The following AP3D1 variants were observed in gnomAD, a reference collection of about 807,000 sequenced individuals.
The protein encoded by AP3D1 is adaptor related protein complex 3 subunit delta 1, also known as AP-3 complex subunit delta-1.
In AP3D1, 51 loss-of-function variants were observed where a neutral mutation model predicts 147.6. The ratio of observed to expected loss-of-function variants is 0.35; its 90% CI spans 0.28 to 0.44. The LOEUF is 0.44. Among genes scored for constraint, AP3D1 ranks in the 20% least tolerant of loss-of-function variants. AP3D1 has a pLI of 1.00. For missense variants in AP3D1, 1,421 were observed against 1,624.2 expected (o/e 0.87, Z 2.15); for synonymous variants, 760 against 663.0 (o/e 1.15, Z -2.25).
At chr19:2,154,055 C>T (rs372798399), upstream of AP3D1, among the ~76,000 whole-genome samples, 1,144 of 151,434 alleles carry the variant, frequency 7.6e-3, 5 homozygotes, top group Middle Eastern at 0.021. Context: ...TCAAGCAATT[C>T]TCCTGCCTCA....
In AP3D1 at chr19:2,111,716, G is replaced by A. The variant is rs766493938; in HGVS notation, c.2900C>T (p.Pro967Leu). ...CTCCTCTGGCGCGCCATTCTGCACC[G>A]GCTCCCCCGCTGCCTCCTCGCTGCC... is the stretch of plus-strand genomic sequence containing the variant. ...PPGSEEAAGEPVQNGAPEEEQ... is the reference protein window; with the variant it reads ...PPGSEEAAGELVQNGAPEEEQ... Residue 967 changes from proline (P) to leucine (L), a missense_variant, in exon 25 of 32, where the codon CCG becomes CTG. Transcript: ENST00000643116. 7 of 1,602,194 alleles carry A rather than the reference G, an allele frequency of 4.4e-6. No individual in the cohort carries two copies. Among genetic ancestry groups the A allele is most frequent in the African/African-American group, 2.7e-5 (2 of 74,656 alleles).
At chr19:2,158,357 G>GTT (rs556426847) in intron 1 of AP3D1, among the ~76,000 whole-genome samples, 49 of 135,702 alleles carry the variant, frequency 3.6e-4, no homozygotes, top group Middle Eastern at 4.1e-3. Context: ...TGCTCGACCT[G>GTT]TTTTTTTTTT....
intron 1 of AP3D1, among the ~76,000 whole-genome samples, chr19:2,143,773 A>T (rs2019285519): frequency 6.6e-6 from 1 of 151,774 alleles, no homozygotes; most frequent in Non-Finnish European, 1.5e-5. Context: ...TCAAAAAAAA[A>T]ATAAAAAAGG....
At chr19:2,146,539 G>A (rs761873605) in intron 1 of AP3D1, among the ~76,000 whole-genome samples, 9 of 151,564 alleles carry the variant, frequency 5.9e-5, no homozygotes, top group Non-Finnish European at 1.0e-4. Context: ...AGGAGGCAGA[G>A]GTTGCAGTGA....
intron 22 of AP3D1, 94 bp downstream of exon 22, chr19:2,114,031 C>CA: frequency 6.8e-7 from 1 of 1,470,836 alleles, no homozygotes; most frequent in Admixed American, 2.6e-5. Flanking sequence ...GACTCAGACT[C>CA]ACAGCCATTT....
intron 8 of AP3D1, among the ~76,000 whole-genome samples, chr19:2,127,820 C>T (rs936740697): frequency 2.6e-5 from 4 of 152,230 alleles, no homozygotes; most frequent in African/African-American, 9.6e-5. Context: ...AGCCACAGCT[C>T]CCAGCCCTTT....
chr19:2,111,605 C>CT, intron 25 of AP3D1, 74 bp downstream of exon 25: 3 of 1,486,316 alleles, frequency 2.0e-6, no homozygotes, highest in Non-Finnish European at 2.7e-6. Context: ...CGCATGGAGG[C>CT]TGCAGGAGTG....
chr19:2,163,256 T>C (rs561181015), intron 1 of AP3D1, among the ~76,000 whole-genome samples: 2 of 152,136 alleles, frequency 1.3e-5, no homozygotes, highest in South Asian at 4.1e-4. Context: ...GTATTTTTAA[T>C]AGAGACAGGG....
intron 1 of AP3D1, among the ~76,000 whole-genome samples, chr19:2,143,185 T>C (rs1356446835): frequency 6.6e-6 from 1 of 151,348 alleles, no homozygotes; most frequent in Admixed American, 6.6e-5. Context: ...TGCCTCAGCT[T>C]TCCAAGCAGC....
chr19:2,128,404 C>T (rs546641203), intron 8 of AP3D1, among the ~76,000 whole-genome samples: 6 of 152,152 alleles, frequency 3.9e-5, no homozygotes, highest in East Asian at 1.9e-4. Context: ...GCCCAGCCCC[C>T]GCTGTACCGC....
chr19:2,129,228 G>T, intron 7 of AP3D1, 65 bp from the exon 8 acceptor site: 1 of 1,609,958 alleles, frequency 6.2e-7, no homozygotes, highest in Admixed American at 1.7e-5. Context: ...GGGACAGGGG[G>T]GGCCTCGGTC....
intron 1 of AP3D1, among the ~76,000 whole-genome samples, chr19:2,160,979 G>T (rs147509490): frequency 6.6e-6 from 1 of 151,908 alleles, no homozygotes; most frequent in East Asian, 1.9e-4. Context: ...CTGGGTAAGG[G>T]ATTCCAAGAG....
chr19:2,118,038 T>C (rs1201209903), intron 15 of AP3D1, among the ~76,000 whole-genome samples: 1 of 152,138 alleles, frequency 6.6e-6, no homozygotes, highest in Non-Finnish European at 1.5e-5. Flanking sequence ...CGGGTACCTA[T>C]AATCCCAGCT....
At chr19:2,154,752 C>T (rs1374210851), upstream of AP3D1, among the ~76,000 whole-genome samples, 1 of 152,278 alleles carries the variant, frequency 6.6e-6, no homozygotes, top group African/African-American at 2.4e-5. Flanking sequence ...TACAGAGAGA[C>T]CAAGACAAAT....
At chr19:2,126,237 C>T (rs948279741) in intron 9 of AP3D1, among the ~76,000 whole-genome samples, 3 of 152,216 alleles carry the variant, frequency 2.0e-5, no homozygotes, top group Admixed American at 6.5e-5. Context: ...AGGAAGTCCA[C>T]CGCCCAATGC....
intron 1 of AP3D1, among the ~76,000 whole-genome samples, chr19:2,160,393 G>A (rs941330593): frequency 1.3e-5 from 2 of 152,174 alleles, no homozygotes; most frequent in Non-Finnish European, 2.9e-5. Flanking sequence ...GCCGGGAGTG[G>A]TGGCGCATGC....
At chr19:2,141,943 T>C (rs1483498489) in intron 1 of AP3D1, among the ~76,000 whole-genome samples, 2 of 149,702 alleles carry the variant, frequency 1.3e-5, no homozygotes, top group African/African-American at 2.4e-5. Context: ...TATTTATATA[T>C]ATTTATTTTT....
intron 17 of AP3D1, 99 bp from the exon 18 acceptor site, chr19:2,116,377 T>C (rs994881205): frequency 5.8e-5 from 80 of 1,372,834 alleles, no homozygotes; most frequent in Admixed American, 4.0e-4. Context: ...GCTGGATCTC[T>C]GGCTATTTTC....
intron 5 of AP3D1, among the ~76,000 whole-genome samples, chr19:2,132,096 A>C (rs1215356647): frequency 6.6e-6 from 1 of 152,058 alleles, no homozygotes; most frequent in Non-Finnish European, 1.5e-5. Flanking sequence ...GCCTTTGACA[A>C]GCAGAGTGGC....
Sources: allele counts gnomAD v4.1 joint callset (sites outside exome capture counted in the v4.1 genomes callset), GRCh38; gene constraint gnomAD v4.1.1; transcripts MANE v1.5; gene names NCBI Gene and HGNC (gene_info 2026-07-23, HGNC 2026-07-21).